TAF4B: variants seen among roughly 807,000 people sequenced by gnomAD.
The protein encoded by TAF4B is TATA-box binding protein associated factor 4b, also known as transcription initiation factor TFIID subunit 4B.
TAF4B carries 38 observed loss-of-function variants against 86.4 expected under a neutral mutation model. That is an observed-to-expected ratio of 0.44 (90% CI 0.34 to 0.58). The LOEUF is 0.58. TAF4B is among the 20% of genes least tolerant of loss of function. TAF4B has a pLI of 0.02. For synonymous variants in TAF4B, 388 were observed against 391.2 expected, an observed-to-expected ratio of 0.99 and a Z score of 0.10; for missense variants, 988 against 1,027.6, an observed-to-expected ratio of 0.96 and a Z score of 0.53.
At chr18:26,250,413 C>T (rs11662911) in intron 1 of TAF4B, among the ~76,000 whole-genome samples, 51,267 of 150,954 alleles carry the variant, frequency 0.34, 10,461 homozygotes, top group East Asian at 0.8. Context: ...AGGAGAATAG[C>T]GTGAACCCGG....
intron 13 of TAF4B, among the ~76,000 whole-genome samples, chr18:26,346,775 GTGTGTGTA>G (rs2057186782): frequency 1.5e-4 from 2 of 13,258 alleles, no homozygotes; most frequent in African/African-American, 4.5e-4. Context: ...ATATATATAT[GTGTGTGTA>G]TATATATATA....
chr18:26,262,144 A>C (rs538997536), intron 1 of TAF4B, among the ~76,000 whole-genome samples: 66 of 151,518 alleles, frequency 4.4e-4, no homozygotes, highest in African/African-American at 1.5e-3. Flanking sequence ...GAAAGAAGGG[A>C]GACTTGAACC....
chr18:26,310,912 A>G (rs1277862010), intron 9 of TAF4B, among the ~76,000 whole-genome samples: 1 of 151,976 alleles, frequency 6.6e-6, no homozygotes, highest in African/African-American at 2.4e-5. Flanking sequence ...AGTATTCAAC[A>G]CAGATGGTAA....
intron 1 of TAF4B, among the ~76,000 whole-genome samples, chr18:26,247,116 C>T (rs376937693): frequency 2.1e-4 from 32 of 151,384 alleles, no homozygotes; most frequent in South Asian, 8.4e-4. Flanking sequence ...CCACCCGCCT[C>T]GGCCTCCCAA....
intron 12 of TAF4B, among the ~76,000 whole-genome samples, chr18:26,330,871 A>G (rs1248208681): frequency 6.6e-6 from 1 of 152,208 alleles, no homozygotes; most frequent in Non-Finnish European, 1.5e-5. Flanking sequence ...TCTCTCAACT[A>G]GCCATGCTGG....
intron 1 of TAF4B, among the ~76,000 whole-genome samples, chr18:26,229,584 C>A (rs1354976438): frequency 6.6e-6 from 1 of 150,652 alleles, no homozygotes; most frequent in African/African-American, 2.4e-5. Context: ...CTCACTGCAA[C>A]CTCCGCCTCC....
At chr18:26,294,929 A>G (rs968171424) in intron 9 of TAF4B, among the ~76,000 whole-genome samples, 20 of 150,484 alleles carry the variant, frequency 1.3e-4, no homozygotes, top group East Asian at 1.9e-4. Flanking sequence ...AGTGATCTAC[A>G]AGAGGAAAAA....
chr18:26,267,731 C>A, intron 3 of TAF4B, 108 bp downstream of exon 3: 1 of 738,026 alleles, frequency 1.4e-6, no homozygotes, highest in Non-Finnish European at 2.3e-6. Context: ...TTGAAGATAG[C>A]AATTCAGTAA....
chr18:26,361,443 G>T (rs913514771), intron 14 of TAF4B, among the ~76,000 whole-genome samples: 2 of 151,146 alleles, frequency 1.3e-5, no homozygotes, highest in Non-Finnish European at 3.0e-5. Context: ...AATATAATAT[G>T]TTTGAAATTA....
chr18:26,384,194 G>C (rs1006687399), intron 14 of TAF4B, among the ~76,000 whole-genome samples: 1 of 152,148 alleles, frequency 6.6e-6, no homozygotes, highest in Non-Finnish European at 1.5e-5. Context: ...TGTAAATCAG[G>C]TAGAATCTGA....
At chr18:26,243,854 G>T (rs1346173859) in intron 1 of TAF4B, among the ~76,000 whole-genome samples, 5 of 152,216 alleles carry the variant, frequency 3.3e-5, no homozygotes. Context: ...GTCCACTCCA[G>T]ACCCTGTTTG....
intron 3 of TAF4B, among the ~76,000 whole-genome samples, chr18:26,273,473 A>G (rs569290393): frequency 6.6e-6 from 1 of 152,208 alleles, no homozygotes; most frequent in South Asian, 2.1e-4. Context: ...GAAGGCCCAT[A>G]TACCCCAAAC....
intron 10 of TAF4B, among the ~76,000 whole-genome samples, 179 bp downstream of exon 10, chr18:26,315,577 A>G (rs1319605123): frequency 6.6e-6 from 1 of 152,150 alleles, no homozygotes; most frequent in Non-Finnish European, 1.5e-5. Flanking sequence ...AATTATTAAT[A>G]TAACATGGTA....
chr18:26,325,136 G>C (rs967167330), intron 11 of TAF4B, among the ~76,000 whole-genome samples: 1 of 152,228 alleles, frequency 6.6e-6, no homozygotes, highest in Non-Finnish European at 1.5e-5. Context: ...AGTAGAAAGT[G>C]ACATGTAGTA....
chr18:26,247,691 C>T (rs1349649659), intron 1 of TAF4B, among the ~76,000 whole-genome samples: 2 of 152,034 alleles, frequency 1.3e-5, no homozygotes, highest in African/African-American at 4.8e-5. Context: ...AGACCAGCCT[C>T]GCCAACATAG....
chr18:26,314,241 T>C (rs1282752926), intron 9 of TAF4B, among the ~76,000 whole-genome samples: 1 of 152,266 alleles, frequency 6.6e-6, no homozygotes, highest in Non-Finnish European at 1.5e-5. Context: ...TTGTAACTTA[T>C]GTTATACATT....
Position 26,305,276 on chromosome 18 carries a change from A to G in TAF4B, c.1833-9953A>G, listed in dbSNP as rs2056782454. On this transcript the variant is annotated intron_variant, in intron 9 of 14. Transcript: ENST00000269142. Reference sequence around the variant, plus strand: ...GAGGCAGAGATTAAATTTTCCTCAAATGAATTGTCTGAGCAATAGTTAGTA... The same window carrying G: ...GAGGCAGAGATTAAATTTTCCTCAAGTGAATTGTCTGAGCAATAGTTAGTA... 2.0e-5 allele frequency among the ~76,000 whole-genome samples: 3 copies of G among 152,200 alleles called. No individual in the cohort carries two copies. In the South Asian group the frequency reaches 6.2e-4, roughly 31 times the overall value.
chr18:26,267,692 C>T, intron 3 of TAF4B, 69 bp downstream of exon 3: 4 of 1,063,812 alleles, frequency 3.8e-6, no homozygotes, highest in South Asian at 1.3e-5. Flanking sequence ...TAGCTATCTC[C>T]TGTTAGATAT....
chr18:26,275,376 A>G (rs955967980), intron 5 of TAF4B, among the ~76,000 whole-genome samples: 8 of 152,210 alleles, frequency 5.3e-5, no homozygotes, highest in South Asian at 4.1e-4. Flanking sequence ...GGCTGGTCTC[A>G]AACTCCTGGC....
Sources: allele counts gnomAD v4.1 joint callset (sites outside exome capture counted in the v4.1 genomes callset), GRCh38; gene constraint gnomAD v4.1.1; transcripts MANE v1.5; gene names NCBI Gene and HGNC (gene_info 2026-07-23, HGNC 2026-07-21).